Variants in TTLL1 observed in about 807,000 individuals in gnomAD.
TTLL1 encodes the protein TTL family tubulin polyglutamylase complex subunit L1, also known as polyglutamylase complex subunit TTLL1.
A neutral mutation model predicts 47.8 loss-of-function variants in TTLL1; 33 were observed. The observed-to-expected ratio is 0.69, with a 90% CI of 0.52 to 0.92. The LOEUF (loss-of-function observed/expected upper bound fraction) is 0.92, where lower values mean the gene tolerates loss of function less well. TTLL1 is among the 40% of genes least tolerant of loss of function. TTLL1 has a pLI of 0.00. For synonymous variants in TTLL1, 225 were observed against 214.1 expected (o/e 1.05, Z -0.45); for missense variants, 488 against 547.5 (o/e 0.89, Z 1.08).
chr22:43,060,271 G>A (rs1356189481), intron 7 of TTLL1, among the ~76,000 whole-genome samples: 1 of 152,194 alleles, frequency 6.6e-6, no homozygotes, highest in Non-Finnish European at 1.5e-5. Flanking sequence ...CTCACTGAGA[G>A]TGCCCTTGGC....
chr22:43,039,785 G>T lies in TTLL1; in HGVS notation c.1263C>A (p.Thr421=), dbSNP rs548854260. 3 of 1,611,456 alleles carry T rather than the reference G, an allele frequency of 1.9e-6. No homozygotes were observed. In the African/African-American group the frequency reaches 4.0e-5, roughly 22 times the overall value. The change falls in exon 11 of 11, where the codon ACC becomes ACA. Residue 421 remains threonine (T), a synonymous_variant. Coordinates refer to ENST00000266254, the MANE Select transcript of TTLL1 (RefSeq NM_012263.5). ...AAGGTCCAGGTGGGACTCACTTCCA[G>T]GTGGTGAGGACCGCTCTCCCCGAGT... is the stretch of plus-strand genomic sequence containing the variant. ...SRDSGRAVLT[T]WK is the part of the protein sequence containing the mutation.
chr22:43,073,041 G>T (rs894828032), intron 3 of TTLL1, among the ~76,000 whole-genome samples: 1 of 150,428 alleles, frequency 6.6e-6, no homozygotes, highest in African/African-American at 2.4e-5. Context: ...TTTTGAGACA[G>T]TCTTGCTGTG....
At chr22:43,074,895 G>A (rs1423683839) in intron 3 of TTLL1, among the ~76,000 whole-genome samples, 1 of 151,948 alleles carries the variant, frequency 6.6e-6, no homozygotes. Flanking sequence ...AAAAAAATGT[G>A]GCCAGGCGCT....
chr22:43,051,644 C>A (rs374179100), intron 9 of TTLL1, among the ~76,000 whole-genome samples, 157 bp downstream of exon 9: 10 of 152,190 alleles, frequency 6.6e-5, no homozygotes, highest in African/African-American at 2.4e-4. Context: ...GTGCTTATAC[C>A]TTAACCATCA....
intron 7 of TTLL1, among the ~76,000 whole-genome samples, chr22:43,060,342 G>A (rs1298643761): frequency 6.6e-6 from 1 of 152,160 alleles, no homozygotes; most frequent in Non-Finnish European, 1.5e-5. Context: ...TACCATGTCT[G>A]GCTGATGCCA....
chr22:43,069,502 G>A, intron 4 of TTLL1, 134 bp downstream of exon 4: 1 of 1,456,442 alleles, frequency 6.9e-7, no homozygotes, highest in East Asian at 2.3e-5. Context: ...CACCTGAAAT[G>A]AAACAGGTGC....
At chr22:43,057,475 G>A (rs996008742) in intron 8 of TTLL1, among the ~76,000 whole-genome samples, 1 of 152,132 alleles carries the variant, frequency 6.6e-6, no homozygotes. Flanking sequence ...CAATGTGGGG[G>A]ACACATACCA....
chr22:43,065,149 A>T (rs1029036150), intron 5 of TTLL1, among the ~76,000 whole-genome samples: 9 of 152,046 alleles, frequency 5.9e-5, no homozygotes. Context: ...CATCTCAAAA[A>T]ATAAATAAAT....
chr22:43,057,858 G>T (rs1191382965), intron 8 of TTLL1, among the ~76,000 whole-genome samples: 2 of 151,942 alleles, frequency 1.3e-5, no homozygotes, highest in Non-Finnish European at 2.9e-5. Flanking sequence ...CCAGCTCCGG[G>T]GCCTGGGCCT....
chr22:43,051,734 G>A (rs758997246), intron 9 of TTLL1, 67 bp downstream of exon 9: 46 of 1,499,918 alleles, frequency 3.1e-5, no homozygotes, highest in Non-Finnish European at 3.9e-5. Flanking sequence ...TGCTGGGCCC[G>A]AATCGGGGCA....
chr22:43,049,966 T>C (rs1287087176), intron 9 of TTLL1, among the ~76,000 whole-genome samples: 1 of 150,990 alleles, frequency 6.6e-6, no homozygotes, highest in Non-Finnish European at 1.5e-5. Flanking sequence ...GTTGGCGGCA[T>C]GCACCCGTAG....
At chr22:43,044,093 T>G (rs1925911377) in intron 10 of TTLL1, among the ~76,000 whole-genome samples, 1 of 150,622 alleles carries the variant, frequency 6.6e-6, no homozygotes, top group African/African-American at 2.5e-5. Flanking sequence ...CCAACAACCC[T>G]CCTCCCCGAG....
chr22:43,040,947 G>A (rs1005839035), intron 10 of TTLL1, among the ~76,000 whole-genome samples: 2 of 152,128 alleles, frequency 1.3e-5, no homozygotes, highest in Non-Finnish European at 2.9e-5. Context: ...CTTCTCTCAC[G>A]GGGTCCTGGA....
chr22:43,043,151 G>A (rs1197616567), intron 10 of TTLL1, among the ~76,000 whole-genome samples: 1 of 151,848 alleles, frequency 6.6e-6, no homozygotes, highest in Admixed American at 6.6e-5. Flanking sequence ...ATGTTGGCCA[G>A]GCTGGTCTTG....
At chr22:43,059,601 C>T (rs552558278) in intron 7 of TTLL1, 74 bp from the exon 8 acceptor site, 19 of 1,502,988 alleles carry the variant, frequency 1.3e-5, no homozygotes, top group Non-Finnish European at 1.7e-5. Flanking sequence ...CGTTGCATCC[C>T]CCAAGCATTT....
At chr22:43,083,499 GAGA>G (rs1475037986) in intron 1 of TTLL1, among the ~76,000 whole-genome samples, 1 of 152,106 alleles carries the variant, frequency 6.6e-6, no homozygotes, top group Non-Finnish European at 1.5e-5. Flanking sequence ...TTGGAAGGCC[GAGA>G]TGGGCGGGTC....
At chr22:43,082,998 G>A (rs2146994807) in intron 1 of TTLL1, among the ~76,000 whole-genome samples, 1 of 150,596 alleles carries the variant, frequency 6.6e-6, no homozygotes, top group African/African-American at 2.4e-5. Context: ...TTGGTGACAA[G>A]AACAAAACTC....
At chr22:43,040,009 G>A (rs1464410002) in intron 10 of TTLL1, 104 bp from the exon 11 acceptor site, 2 of 1,486,456 alleles carry the variant, frequency 1.3e-6, no homozygotes, top group African/African-American at 1.4e-5. Flanking sequence ...CAGAGAAGCG[G>A]CCTGAGGGGG....
At chr22:43,079,062 G>A (rs1468812512) in intron 2 of TTLL1, among the ~76,000 whole-genome samples, 5 of 111,904 alleles carry the variant, frequency 4.5e-5, no homozygotes, top group Admixed American at 9.0e-5. Context: ...CAGACAAGGG[G>A]ACCACGGGAG....
Sources: gnomAD v4.1 joint callset for allele counts (sites outside exome capture counted in the v4.1 genomes callset) on GRCh38, gnomAD v4.1.1 for gene constraint, MANE v1.5 for transcripts, NCBI Gene and HGNC (gene_info 2026-07-23, HGNC 2026-07-21) for gene names.